THPO: variants seen among roughly 807,000 people sequenced by gnomAD.
THPO encodes thrombopoietin, also known as MPL ligand.
THPO carries 12 observed loss-of-function variants against 17.0 expected under a neutral mutation model. The ratio of observed to expected loss-of-function variants is 0.71; its 90% CI spans 0.45 to 1.14. The LOEUF (loss-of-function observed/expected upper bound fraction) is 1.14. Among genes scored for constraint, THPO ranks in the 50% most tolerant of loss-of-function variants. The probability of loss-of-function intolerance (pLI) is 0.00; values close to 1 mark genes in which losing one functional copy is unlikely to be tolerated. For synonymous variants in THPO, 188 were observed against 183.0 expected, an observed-to-expected ratio of 1.03 and a Z score of -0.22; for missense variants, 365 against 427.5, an observed-to-expected ratio of 0.85 and a Z score of 1.29.
rs1483122002 is a variant in THPO, at chr3:184,373,532, C to G, written c.279G>C (p.Glu93Asp). Reference sequence around the variant, plus strand: ...GTTGTCCCCGTGCTGCCATCACTCCCTCCAGCAGAAGGGTCACTGCTCCCA... The same window carrying G: ...GTTGTCCCCGTGCTGCCATCACTCCGTCCAGCAGAAGGGTCACTGCTCCCA... ...DILGAVTLLLEGVMAARGQLG... is the reference protein window; with the variant it reads ...DILGAVTLLLDGVMAARGQLG... Residue 93 changes from glutamate (E) to aspartate (D), a missense_variant, in exon 5 of 6, where the codon GAG becomes GAC. Transcript: ENST00000647395. 1 of 1,614,130 alleles carries G rather than the reference C, an allele frequency of 6.2e-7. No homozygotes were observed. The highest frequency in any genetic ancestry group is 8.5e-7 in the Non-Finnish European group (1 of 1,180,028).
At position 184,376,424 on chromosome 3, in the gene THPO, T is replaced by C. The variant is rs1013870157; in HGVS notation, c.-145-20A>G. ...TCTATCCTGAAAGTAGCAAGAAGAG[T>C]GAACATTTAACCAAGTTTCTAGGAA... On this transcript the variant is annotated intron_variant, in intron 1 of 5. Coordinates refer to ENST00000647395, the MANE Select transcript of THPO (RefSeq NM_000460.4). 2 of 1,543,616 alleles carry C rather than the reference T, an allele frequency of 1.3e-6. No homozygotes were observed. The highest frequency in any genetic ancestry group is 1.7e-6 in the Non-Finnish European group (2 of 1,150,438).
chr3:184,373,837 C>T (rs572695012), intron 4 of THPO, among the ~76,000 whole-genome samples: 166 of 152,276 alleles, frequency 1.1e-3, no homozygotes, highest in African/African-American at 3.7e-3. Flanking sequence ...TTTTTTCTTA[C>T]GTTGCTGAAA....
At chr3:184,374,844 A>G (rs1315700458) in intron 4 of THPO, among the ~76,000 whole-genome samples, 1 of 152,140 alleles carries the variant, frequency 6.6e-6, no homozygotes, top group Non-Finnish European at 1.5e-5. Flanking sequence ...GCTGGAGTGC[A>G]TTGGCATGAT....
At position 184,372,414 on chromosome 3, in the gene THPO, G is replaced by A; in HGVS notation, c.*99C>T. Reference sequence around the variant, plus strand: ...CTTTTACCAGGGCTTTGGGTTTCAGGAGAAAGTAGGAAATCTTGTCCAGTT... The same window carrying A: ...CTTTTACCAGGGCTTTGGGTTTCAGAAGAAAGTAGGAAATCTTGTCCAGTT... On this transcript the variant is annotated 3_prime_UTR_variant, in exon 6 of 6. Coordinates refer to ENST00000647395, the MANE Select transcript of THPO (RefSeq NM_000460.4). 16 of 1,462,190 alleles carry A rather than the reference G, an allele frequency of 1.1e-5. No homozygotes were observed. The highest frequency in any genetic ancestry group is 1.5e-5 in the Non-Finnish European group (16 of 1,044,554). The allele number at this position is 1,462,190 out of a possible 1,614,324, so 90.6% of individuals were successfully genotyped here.
chr3:184,372,325 A>AAAT lies in THPO; in HGVS notation c.*185_*187dup. 1 of 692,672 alleles carries AAAT rather than the reference A, an allele frequency of 1.4e-6. No individual in the cohort carries two copies. The highest frequency in any genetic ancestry group is 2.4e-6 in the Non-Finnish European group (1 of 410,960). The allele number at this position is 692,672 out of a possible 1,614,324, so 42.9% of individuals were successfully genotyped here. A position where few individuals can be genotyped will look rare whatever the true frequency, so the allele number is the denominator to read the frequency against. On this transcript the variant is annotated 3_prime_UTR_variant, in exon 6 of 6. Transcript: ENST00000647395. ...GATGAGTATTGCTGATAGCTTAAAA[A>AAAT]AATAGCTTCTGAAGGTTTATAATGT... is the stretch of plus-strand genomic sequence containing the variant.
Position 184,372,302 on chromosome 3 carries a change from T to C in THPO, c.*211A>G, listed in dbSNP as rs1713954938. 5 of 595,872 alleles carry C rather than the reference T, an allele frequency of 8.4e-6. No individual in the cohort carries two copies. In the East Asian group the frequency reaches 1.4e-4, roughly 17 times the overall value. 36.9% of individuals were successfully genotyped at this position (595,872 alleles called of 1,614,324 possible). On this transcript the variant is annotated 3_prime_UTR_variant, in exon 6 of 6. Coordinates refer to ENST00000647395, the MANE Select transcript of THPO (RefSeq NM_000460.4). Reference sequence around the variant, plus strand: ...TAGACCAAAGAGCTAGCTGCTCTGATGAGTATTGCTGATAGCTTAAAAAAA... The same window carrying C: ...TAGACCAAAGAGCTAGCTGCTCTGACGAGTATTGCTGATAGCTTAAAAAAA...
rs1714125461 is a variant in THPO, at chr3:184,373,435, G to T, written c.376C>A (p.Gln126Lys). The change falls in exon 5 of 6, where the codon CAG becomes AAG. Residue 126 changes from glutamine to lysine, a missense_variant. Coordinates refer to ENST00000647395, the MANE Select transcript of THPO (RefSeq NM_000460.4). Reference protein sequence around the residue: ...GQVRLLLGALQSLLGTQLPPQ... With the variant: ...GQVRLLLGALKSLLGTQLPPQ... ...CTTACCTGGGTTCCAAGGAGGCTCT[G>T]CAGGGCCCCAAGGAGGAGACGGACC... 1 of 1,614,020 alleles carries T rather than the reference G, an allele frequency of 6.2e-7. No individual in the cohort carries two copies. Among genetic ancestry groups the T allele is most frequent in the Non-Finnish European group, 8.5e-7 (1 of 1,179,992 alleles).
chr3:184,379,533 G>A (rs1406324781), upstream of THPO, among the ~76,000 whole-genome samples: 5 of 152,114 alleles, frequency 3.3e-5, no homozygotes, highest in Non-Finnish European at 5.9e-5. Context: ...AGTGAGAGAG[G>A]GTGGTGAGGG....
chr3:184,378,382 A>AG (rs1335224602), upstream of THPO: 1 of 985,510 alleles, frequency 1.0e-6, no homozygotes, highest in East Asian at 1.1e-4. Context: ...TGGGACCTGG[A>AG]GGGGGACAGG....
intron 4 of THPO, 143 bp downstream of exon 4, chr3:184,375,372 A>T (rs1560285149): frequency 2.6e-6 from 2 of 780,054 alleles, no homozygotes; most frequent in Non-Finnish European, 4.5e-6. Flanking sequence ...CTATCATCAT[A>T]GGTGAATGTA....
upstream of THPO, chr3:184,378,487 T>A: frequency 1.4e-6 from 1 of 737,572 alleles, no homozygotes; most frequent in Non-Finnish European, 1.7e-6. Context: ...GGGTTTTCAC[T>A]CCCTGGCTAT....
intron 1 of THPO, among the ~76,000 whole-genome samples, chr3:184,376,854 AAAAGAAAGAAAGAAAG>A (rs749356268): frequency 2.0e-5 from 3 of 150,616 alleles, no homozygotes; most frequent in Non-Finnish European, 2.9e-5. Flanking sequence ...TCAAAAAAAA[AAAAGAAAGAAAGAAAG>A]AAAGAAAGAA....
chr3:184,379,597 T>C (rs1274672179), upstream of THPO, among the ~76,000 whole-genome samples: 2 of 152,066 alleles, frequency 1.3e-5, no homozygotes, highest in Non-Finnish European at 2.9e-5. Context: ...GGACCTTTCC[T>C]GTACGTTGTC....
rs1254636961 is a variant in THPO at position 184,373,418 on chromosome 3, G to T, written c.393C>A (p.Thr131=). 6.2e-7 allele frequency: 1 copy of T among 1,613,842 alleles called. No homozygotes were observed. Among genetic ancestry groups the T allele is most frequent in the Non-Finnish European group, 8.5e-7 (1 of 1,179,982 alleles). ...LLGALQSLLG[T]QLPPQGRTTA... The stretch of plus-strand genomic sequence containing the variant: ...GATCCCTTGACTGGGGACTTACCTG[G>T]GTTCCAAGGAGGCTCTGCAGGGCCC... The change falls in exon 5 of 6, where the codon ACC becomes ACA. Residue 131 remains threonine (T), a synonymous_variant. Transcript: ENST00000647395.
intron 1 of THPO, among the ~76,000 whole-genome samples, chr3:184,377,345 T>G (rs190573409): frequency 1.3e-5 from 2 of 152,332 alleles, no homozygotes. Flanking sequence ...TACTCCATTA[T>G]CTGAGGCCAA....
chr3:184,375,165 G>A (rs530470810), intron 4 of THPO, among the ~76,000 whole-genome samples: 20 of 152,152 alleles, frequency 1.3e-4, no homozygotes, highest in Admixed American at 9.2e-4. Context: ...TCAGTCTTTT[G>A]TTATTTTAGT....
chr3:184,377,204 C>T (rs1347876415), intron 1 of THPO, among the ~76,000 whole-genome samples: 1 of 152,012 alleles, frequency 6.6e-6, no homozygotes, highest in African/African-American at 2.4e-5. Context: ...GGGAACTGCA[C>T]AAAGCTGTAA....
intron 1 of THPO, among the ~76,000 whole-genome samples, 155 bp downstream of exon 1, chr3:184,377,920 G>T (rs1384959184): frequency 6.6e-6 from 1 of 152,102 alleles, no homozygotes; most frequent in Admixed American, 6.6e-5. Flanking sequence ...CCCCTGCTCT[G>T]CCCTGCTCCT....
In THPO at chr3:184,372,513, T is replaced by C. The variant is rs1713976057; in HGVS notation, c.1062A>G (p.Ter354=). The part of the protein sequence containing the change: ...THSQNLSQEG[*] ...CTGATGTCGGCAGTGTCTGAGAACC[T>C]TACCCTTCCTGAGACAGATTCTGGG... Residue 354 remains the stop codon, a stop_retained_variant, in exon 6 of 6, where the codon TAA becomes TAG. Transcript: ENST00000647395. 3.7e-6 allele frequency: 6 copies of C among 1,614,102 alleles called. No individual in the cohort carries two copies. Among genetic ancestry groups the C allele is most frequent in the Non-Finnish European group, 5.1e-6 (6 of 1,180,018 alleles).
Sources: gnomAD v4.1 joint callset for allele counts (sites outside exome capture counted in the v4.1 genomes callset) on GRCh38, gnomAD v4.1.1 for gene constraint, MANE v1.5 for transcripts, NCBI Gene and HGNC (gene_info 2026-07-23, HGNC 2026-07-21) for gene names.